The following DIXDC1 variants were observed in gnomAD, a reference collection of about 807,000 sequenced individuals.
DIXDC1 encodes the protein dixin.
A neutral mutation model predicts 103.1 loss-of-function variants in DIXDC1; 64 were observed. That is an observed-to-expected ratio of 0.62 (90% confidence interval 0.51 to 0.76). The LOEUF (loss-of-function observed/expected upper bound fraction) is 0.76. DIXDC1 is among the 30% of genes least tolerant of loss of function. The pLI is 0.00. For missense variants in DIXDC1, 759 were observed against 834.2 expected (o/e 0.91, Z 1.11); for synonymous variants, 266 against 298.5 (o/e 0.89, Z 1.12).
intron 1 of DIXDC1, among the ~76,000 whole-genome samples, chr11:111,948,776 A>C (rs1181000234): frequency 2.6e-5 from 4 of 151,798 alleles, no homozygotes; most frequent in African/African-American, 9.7e-5. Context: ...CTTGAGGGAC[A>C]GCTGCATTTG....
chr11:111,931,124 G>T lies in DIXDC1; in HGVS notation c.57+1214G>T, dbSNP rs149779789. 8.6e-3 allele frequency among the ~76,000 whole-genome samples: 1,313 copies of T among 151,918 alleles called. 19 individuals are homozygous for T. Among genetic ancestry groups the T allele is most frequent in the African/African-American group, 0.03 (1,234 of 41,456 alleles). On this transcript the variant is annotated intron_variant, in intron 2 of 5. Coordinates refer to the DIXDC1 transcript ENST00000529225. Reference sequence around the variant, plus strand: ...CTGCCTCGGCCTCCCAAAGTGCTGGGATTACAGGTGTGAGCCATCGTGACT... The same window carrying T: ...CTGCCTCGGCCTCCCAAAGTGCTGGTATTACAGGTGTGAGCCATCGTGACT...
intron 7 of DIXDC1, 61 bp downstream of exon 7, chr11:111,982,548 C>A: frequency 6.5e-7 from 1 of 1,546,652 alleles, no homozygotes. Flanking sequence ...TCAGTATTAT[C>A]AATGGAAAAT....
chr11:112,019,051 T>C lies in DIXDC1; in HGVS notation c.*15T>C, dbSNP rs782169769. 2 of 1,609,822 alleles carry C rather than the reference T, an allele frequency of 1.2e-6. No homozygotes were observed. The highest frequency in any genetic ancestry group is 1.7e-5 in the Admixed American group (1 of 59,928). The stretch of plus-strand genomic sequence containing the variant: ...GAGAGAATTAATGCCAAGTATCAGA[T>C]TGAGGGCTTATGGAACCTGGTCACT... On this transcript the variant is annotated 3_prime_UTR_variant, in exon 20 of 20. Transcript: ENST00000440460.
Position 111,986,851 on chromosome 11 carries a change from T to G in DIXDC1, c.1009-20T>G, listed in dbSNP as rs373443525. ...TTCACAGCATAGGTGCTTAGCCATC[T>G]CTGTTTGTCTTATATTCAGATTATA... On this transcript the variant is annotated intron_variant, in intron 8 of 19. Coordinates refer to ENST00000440460, the MANE Select transcript of DIXDC1 (RefSeq NM_001037954.4). 9.7e-5 allele frequency: 151 copies of G among 1,558,314 alleles called. No homozygotes were observed. Among genetic ancestry groups the G allele is most frequent in the Non-Finnish European group, 7.5e-5 (86 of 1,150,096 alleles).
chr11:111,930,995 C>T (rs1336000296), intron 2 of DIXDC1, among the ~76,000 whole-genome samples: 4 of 151,358 alleles, frequency 2.6e-5, no homozygotes, highest in African/African-American at 9.7e-5. Context: ...CTGGGATTAC[C>T]GGTGCCCACC....
intron 17 of DIXDC1, among the ~76,000 whole-genome samples, chr11:112,014,901 T>G (rs1861540824): frequency 6.6e-6 from 1 of 151,958 alleles, no homozygotes; most frequent in Admixed American, 6.6e-5. Context: ...TTTTTTTTTT[T>G]GGAGACAGAG....
intron 2 of DIXDC1, 128 bp from the exon 3 acceptor site, chr11:111,968,385 A>G: frequency 1.0e-6 from 1 of 987,696 alleles, no homozygotes; most frequent in South Asian, 1.9e-5. Context: ...ACCAGGACTT[A>G]ACTCATTTAT....
At chr11:111,972,782 C>T (rs1859977654) in intron 3 of DIXDC1, among the ~76,000 whole-genome samples, 1 of 152,212 alleles carries the variant, frequency 6.6e-6, no homozygotes, top group African/African-American at 2.4e-5. Flanking sequence ...TGCAGTGGCT[C>T]ACACCTGTAA....
At chr11:111,970,243 C>T (rs113498796) in intron 3 of DIXDC1, among the ~76,000 whole-genome samples, 12 of 151,952 alleles carry the variant, frequency 7.9e-5, no homozygotes, top group African/African-American at 2.7e-4. Context: ...TTTGTAGAGA[C>T]GGGATTTCAT....
At chr11:111,981,333 T>G (rs748668688) in intron 6 of DIXDC1, among the ~76,000 whole-genome samples, 2 of 152,260 alleles carry the variant, frequency 1.3e-5, no homozygotes, top group African/African-American at 2.4e-5. Flanking sequence ...TAGACTTCCA[T>G]ACTCTGTCTC....
intron 17 of DIXDC1, 152 bp downstream of exon 17, chr11:111,996,298 T>C (rs1457490157): frequency 4.6e-6 from 3 of 649,542 alleles, no homozygotes; most frequent in Non-Finnish European, 7.6e-6. Flanking sequence ...TTGAGTTAGT[T>C]CTAAGACTAT....
At chr11:112,002,260 G>GAA (rs58201567) in intron 17 of DIXDC1, among the ~76,000 whole-genome samples, 1 of 136,778 alleles carries the variant, frequency 7.3e-6, no homozygotes. Flanking sequence ...GCAGGCATGT[G>GAA]AAAAAAAAAA....
Position 111,976,110 on chromosome 11 carries a change from G to T in DIXDC1, c.656+1127G>T. ...CCTGCGCCCATTAAGCAGCAGGTGTGCTTTTAATGAGAATCTAAATCATTT... is the reference window on the plus strand; with the variant it reads ...CCTGCGCCCATTAAGCAGCAGGTGTTCTTTTAATGAGAATCTAAATCATTT... On this transcript the variant is annotated intron_variant, in intron 5 of 19. Coordinates refer to ENST00000440460, the MANE Select transcript of DIXDC1 (RefSeq NM_001037954.4). The surrounding 1 kb of genome is among the most constrained non-coding windows in gnomAD (Gnocchi z 4.3). 5.7e-6 allele frequency: 1 copy of T among 175,072 alleles called. No individual in the cohort carries two copies. The highest frequency in any genetic ancestry group is 1.1e-5 in the Non-Finnish European group (1 of 88,964). The allele number at this position is 175,072 out of a possible 1,614,324, so 10.8% of individuals were successfully genotyped here.
In DIXDC1 at chr11:111,977,862, T is replaced by C; in HGVS notation, c.657-2875T>C. ...TGGGAACAGGGGCAGGGCTGGAGGA[T>C]GCTGTTGGCCGGAGACAGGCGGGGT... On this transcript the variant is annotated intron_variant, in intron 5 of 19. Coordinates refer to ENST00000440460, the MANE Select transcript of DIXDC1 (RefSeq NM_001037954.4). This position sits in a 1 kb window ranked among gnomAD's most constrained non-coding sequence, Gnocchi z 6.1. 2 of 1,484,206 alleles carry C rather than the reference T, an allele frequency of 1.3e-6. No homozygotes were observed. 91.9% of individuals were successfully genotyped at this position (1,484,206 alleles called of 1,614,324 possible). A position where few individuals can be genotyped will look rare whatever the true frequency, so the allele number is the denominator to read the frequency against.
Position 111,964,659 on chromosome 11 carries a change from A to T in DIXDC1, c.171A>T (p.Ala57=), listed in dbSNP as rs1481169563. The T allele has an allele frequency of 6.2e-7, 1 of 1,609,838 alleles. No individual in the cohort carries two copies. The highest frequency in any genetic ancestry group is 8.5e-7 in the Non-Finnish European group (1 of 1,178,352). ...ATCTCCGGGATGGGGTGATCCTGGC[A>T]TATCTCATCGAGATTGTTGGTCAGT... ...RQDLRDGVIL[A]YLIEIVAGEK... Residue 57 remains alanine (A), a synonymous_variant, in exon 2 of 20, where the codon GCA becomes GCT. Coordinates refer to ENST00000440460, the MANE Select transcript of DIXDC1 (RefSeq NM_001037954.4).
Position 111,977,418 on chromosome 11 carries a change from G to T in DIXDC1, c.656+2435G>T, listed in dbSNP as rs1011912270. 7.7e-6 allele frequency: 9 copies of T among 1,173,596 alleles called. No homozygotes were observed. The highest frequency in any genetic ancestry group is 9.5e-6 in the Non-Finnish European group (9 of 948,160). The allele number at this position is 1,173,596 out of a possible 1,614,324, so 72.7% of individuals were successfully genotyped here. A position where few individuals can be genotyped will look rare whatever the true frequency, so the allele number is the denominator to read the frequency against. ...ATGGGTTGAGATGCCCCCGCCAGGG[G>T]GGATGCCCGGCACCGTGCGTCCGCG... is the stretch of plus-strand genomic sequence containing the variant. On this transcript the variant is annotated intron_variant, in intron 5 of 19. Coordinates refer to ENST00000440460, the MANE Select transcript of DIXDC1 (RefSeq NM_001037954.4). This position sits in a 1 kb window ranked among gnomAD's most constrained non-coding sequence, Gnocchi z 6.1.
upstream of DIXDC1, among the ~76,000 whole-genome samples, chr11:111,933,092 T>G (rs1966081879): frequency 6.6e-6 from 1 of 152,178 alleles, no homozygotes; most frequent in Non-Finnish European, 1.5e-5. Context: ...AAGTACTAAA[T>G]GACACAGTAT....
intron 9 of DIXDC1, among the ~76,000 whole-genome samples, chr11:111,988,004 T>G (rs1860554907): frequency 6.6e-6 from 1 of 151,364 alleles, no homozygotes; most frequent in Admixed American, 6.6e-5. Flanking sequence ...TTTTGTTTTG[T>G]TTGTTTGTTT....
upstream of DIXDC1, among the ~76,000 whole-genome samples, chr11:111,936,269 C>T (rs1555168089): frequency 6.6e-6 from 1 of 152,198 alleles, no homozygotes; most frequent in African/African-American, 2.4e-5. Flanking sequence ...GTTTTTTCAG[C>T]TTCGAGTTTT....
Sources: gnomAD v4.1 joint callset for allele counts (sites outside exome capture counted in the v4.1 genomes callset) on GRCh38, gnomAD v4.1.1 for gene constraint, Gnocchi (gnomAD v3.1) non-coding constraint, MANE v1.5 for transcripts, NCBI Gene and HGNC (gene_info 2026-07-23, HGNC 2026-07-21) for gene names.